Variants in GRID1 observed in about 807,000 individuals in gnomAD.
GRID1 encodes glutamate receptor ionotropic, delta-1.
In GRID1, 28 loss-of-function variants were observed where a neutral mutation model predicts 98.0. That is an observed-to-expected ratio of 0.29 (90% CI 0.21 to 0.39). The LOEUF is 0.39. Among genes scored for constraint, GRID1 ranks in the 10% least tolerant of loss-of-function variants. The pLI is 1.00. For synonymous variants in GRID1, 553 were observed against 538.5 expected, an observed-to-expected ratio of 1.03 and a Z score of -0.37; for missense variants, 1,111 against 1,340.5, an observed-to-expected ratio of 0.83 and a Z score of 2.67.
At chr10:86,057,809 A>G (rs1268911782) in intron 4 of GRID1, among the ~76,000 whole-genome samples, 2 of 152,100 alleles carry the variant, frequency 1.3e-5, no homozygotes, top group Non-Finnish European at 2.9e-5. Flanking sequence ...TCTCCTGGCC[A>G]TGGAACTGTT....
At position 86,204,417 on chromosome 10, in the gene GRID1, T is replaced by G. The variant is rs1260746226; in HGVS notation, c.520+1947A>C. Reference sequence around the variant, plus strand: ...CATGGAGGACTAGCCCTCATGAGAGTCAGGACAAGCCAAGAGCAGGCTGAG... The same window carrying G: ...CATGGAGGACTAGCCCTCATGAGAGGCAGGACAAGCCAAGAGCAGGCTGAG... On this transcript the variant is annotated intron_variant, in intron 3 of 15. Coordinates refer to ENST00000327946, the MANE Select transcript of GRID1 (RefSeq NM_017551.3). Among the ~76,000 whole-genome samples, 4 of 151,880 alleles carry G rather than the reference T, an allele frequency of 2.6e-5. 1 individual carries two copies. The highest frequency in any genetic ancestry group is 4.8e-5 in the African/African-American group (2 of 41,344).
chr10:85,667,723 G>A (rs1017410134), intron 12 of GRID1, among the ~76,000 whole-genome samples: 1 of 152,202 alleles, frequency 6.6e-6, no homozygotes, highest in Admixed American at 6.5e-5. Context: ...ACAGCCCCTA[G>A]CACATGGTAG....
intron 2 of GRID1, among the ~76,000 whole-genome samples, chr10:86,304,563 C>A (rs1358535077): frequency 6.6e-6 from 1 of 152,228 alleles, no homozygotes; most frequent in Admixed American, 6.5e-5. Context: ...GATTTCAGGG[C>A]TGCTGACAGA....
At chr10:85,629,024 G>T (rs1590166108) in intron 13 of GRID1, among the ~76,000 whole-genome samples, 1 of 152,234 alleles carries the variant, frequency 6.6e-6, no homozygotes, top group Admixed American at 6.5e-5. Flanking sequence ...AGATGGAGGT[G>T]TTCCCAGGCT....
intron 3 of GRID1, among the ~76,000 whole-genome samples, chr10:86,158,277 T>C (rs1267385355): frequency 6.6e-6 from 1 of 152,196 alleles, no homozygotes; most frequent in Non-Finnish European, 1.5e-5. Context: ...TTAGTCTCCC[T>C]ACCAATGAAA....
chr10:85,831,992 C>T (rs1209436754), intron 8 of GRID1, among the ~76,000 whole-genome samples: 2 of 151,384 alleles, frequency 1.3e-5, no homozygotes, highest in East Asian at 3.9e-4. Flanking sequence ...GTAATAAGGC[C>T]AAAATTTGTT....
In GRID1 at chr10:86,035,692, T is replaced by C. The variant is rs117917524; in HGVS notation, c.726+103127A>G. Among the ~76,000 whole-genome samples, 839 of 152,302 alleles carry C rather than the reference T, an allele frequency of 5.5e-3. 2 individuals carry two copies. The highest frequency in any genetic ancestry group is 0.017 in the Middle Eastern group (5 of 294). ...CCCTGGGCTAGGCACTAGGTGTGCTTTGGTGAACAAAACAGCATAGTCCAG... is the reference window on the plus strand; with the variant it reads ...CCCTGGGCTAGGCACTAGGTGTGCTCTGGTGAACAAAACAGCATAGTCCAG... On this transcript the variant is annotated intron_variant, in intron 4 of 15. Coordinates refer to ENST00000327946, the MANE Select transcript of GRID1 (RefSeq NM_017551.3).
intron 12 of GRID1, among the ~76,000 whole-genome samples, chr10:85,705,467 T>C (rs1430955340): frequency 2.0e-5 from 3 of 152,138 alleles, no homozygotes; most frequent in Non-Finnish European, 4.4e-5. Flanking sequence ...CAATAATTAA[T>C]AGCTTACCAA....
intron 2 of GRID1, among the ~76,000 whole-genome samples, chr10:86,225,420 T>C (rs982828944): frequency 6.6e-6 from 1 of 152,236 alleles, no homozygotes; most frequent in Non-Finnish European, 1.5e-5. Flanking sequence ...CGAATATTTA[T>C]AGCGTTTAAG....
At chr10:85,826,531 C>T (rs1342423856) in intron 8 of GRID1, among the ~76,000 whole-genome samples, 5 of 152,048 alleles carry the variant, frequency 3.3e-5, no homozygotes, top group Admixed American at 6.5e-5. Context: ...TTGTTGCGGG[C>T]GTAAGCATGT....
chr10:86,142,310 G>C (rs1361971756), intron 3 of GRID1, among the ~76,000 whole-genome samples: 1 of 152,352 alleles, frequency 6.6e-6, no homozygotes, highest in South Asian at 2.1e-4. Context: ...GATAGATCGA[G>C]GTCATTGGAT....
chr10:85,854,847 T>C (rs1843093954), intron 7 of GRID1, among the ~76,000 whole-genome samples: 1 of 152,214 alleles, frequency 6.6e-6, no homozygotes, highest in Non-Finnish European at 1.5e-5. Flanking sequence ...GCACCTGTCA[T>C]TCATACCATC....
At chr10:86,116,684 T>C (rs756471823) in intron 4 of GRID1, among the ~76,000 whole-genome samples, 7 of 152,142 alleles carry the variant, frequency 4.6e-5, no homozygotes, top group Non-Finnish European at 7.3e-5. Flanking sequence ...TTGAATTTAA[T>C]TAAGTTAAAT....
At chr10:86,137,678 G>A (rs953954870) in intron 4 of GRID1, among the ~76,000 whole-genome samples, 21 of 152,136 alleles carry the variant, frequency 1.4e-4, no homozygotes, top group Non-Finnish European at 2.1e-4. Flanking sequence ...CTTCATACAG[G>A]GCAACATGTT....
intron 8 of GRID1, among the ~76,000 whole-genome samples, chr10:85,822,751 C>G (rs531939087): frequency 6.6e-6 from 1 of 152,030 alleles, no homozygotes; most frequent in Non-Finnish European, 1.5e-5. Context: ...ATGTTTATTG[C>G]GGCACTATTC....
chr10:85,763,122 C>T (rs1842162007), intron 8 of GRID1, among the ~76,000 whole-genome samples: 1 of 152,130 alleles, frequency 6.6e-6, no homozygotes, highest in Admixed American at 6.5e-5. Context: ...GGAGAATGGG[C>T]ATGGAGGACT....
chr10:86,236,808 T>C (rs1325114495), intron 2 of GRID1, among the ~76,000 whole-genome samples: 1 of 152,032 alleles, frequency 6.6e-6, no homozygotes, highest in Non-Finnish European at 1.5e-5. Context: ...GCATGGCAAA[T>C]CCTGGGTGCC....
chr10:85,834,372 T>C (rs1176449816), intron 8 of GRID1, among the ~76,000 whole-genome samples: 2 of 152,122 alleles, frequency 1.3e-5, no homozygotes, highest in Non-Finnish European at 2.9e-5. Context: ...TCTGTCTTTC[T>C]GACATAAAGA....
chr10:85,948,066 AG>A (rs1275467421), intron 4 of GRID1, among the ~76,000 whole-genome samples: 1 of 152,248 alleles, frequency 6.6e-6, no homozygotes, highest in Non-Finnish European at 1.5e-5. Context: ...AGAGCAGAAA[AG>A]GGACATTAGT....
Sources: allele counts gnomAD v4.1 joint callset (sites outside exome capture counted in the v4.1 genomes callset), GRCh38; gene constraint gnomAD v4.1.1; transcripts MANE v1.5; gene names NCBI Gene and HGNC (gene_info 2026-07-23, HGNC 2026-07-21).